The following RCBTB1 variants were observed in gnomAD, a reference collection of about 807,000 sequenced individuals.
The protein encoded by RCBTB1 is RCC1 and BTB domain containing protein 1.
A neutral mutation model predicts 62.4 loss-of-function variants in RCBTB1; 46 were observed. The ratio of observed to expected loss-of-function variants is 0.74; its 90% CI spans 0.58 to 0.94. RCBTB1 has a LOEUF of 0.94. Among genes scored for constraint, RCBTB1 ranks in the 40% least tolerant of loss-of-function variants. The pLI is 0.00. For synonymous variants in RCBTB1, 222 were observed against 245.8 expected, an observed-to-expected ratio of 0.90 and a Z score of 0.91; for missense variants, 565 against 654.9, an observed-to-expected ratio of 0.86 and a Z score of 1.50.
In RCBTB1 at chr13:49,560,030, G is replaced by A. The variant is rs371060996; in HGVS notation, c.332C>T (p.Thr111Met). The A allele has an allele frequency of 3.8e-5, 62 of 1,613,990 alleles. No individual in the cohort carries two copies. Among genetic ancestry groups the A allele is most frequent in the South Asian group, 8.8e-5 (8 of 91,082 alleles). The change falls in exon 5 of 13, where the codon ACG (threonine) becomes ATG (methionine). Residue 111 changes from threonine (T) to methionine (M), a missense_variant. Physicochemically the swap from Thr to Met is moderately conservative, Grantham distance 81 (BLOSUM62 -1). Coordinates refer to ENST00000378302, the MANE Select transcript of RCBTB1 (RefSeq NM_018191.4). ...HNGYSQLGNGTTNQGIAPVQV... is the reference protein window; with the variant it reads ...HNGYSQLGNGMTNQGIAPVQV... ...GACGGGAGCAATGCCTTGGTTGGTC[G>A]TCCCATTCCCAAGCTGGCTATATCC... is the stretch of plus-strand genomic sequence containing the variant.
At chr13:49,534,721 A>G (rs7322077) in intron 12 of RCBTB1, among the ~76,000 whole-genome samples, 76,214 of 152,088 alleles carry the variant, frequency 0.5, 19,243 homozygotes, top group Middle Eastern at 0.6. Flanking sequence ...GATATGGTCA[A>G]CCTAAAGTGG....
Position 49,550,500 on chromosome 13 carries a change from C to A in RCBTB1, c.854+826G>T, listed in dbSNP as rs929133470. The A allele has an allele frequency of 2.3e-5, 17 of 724,560 alleles. 1 individual carries two copies. Among genetic ancestry groups the A allele is most frequent in the Non-Finnish European group, 2.9e-5 (17 of 589,474 alleles). The allele number at this position is 724,560 out of a possible 1,614,324, so 44.9% of individuals were successfully genotyped here. On this transcript the variant is annotated intron_variant, in intron 8 of 12. Transcript: ENST00000378302. ...TAGGAGGTAAGACCTTACAATTAGG[C>A]TGAACAACATCAAGCATCTATTCCA...
rs1237719893 is a variant in RCBTB1 at position 49,544,628 on chromosome 13, G to T, written c.1172+109C>A. ...ATACTATCTGCAAAAATATTAAGTA[G>T]TGACATTTCTCTCTACTACCAAGGC... On this transcript the variant is annotated intron_variant, in intron 10 of 12. Coordinates refer to ENST00000378302, the MANE Select transcript of RCBTB1 (RefSeq NM_018191.4). The T allele has an allele frequency of 1.7e-5, 14 of 842,960 alleles. No homozygotes were observed. In the African/African-American group the frequency reaches 2.0e-4, roughly 12 times the overall value. The allele number at this position is 842,960 out of a possible 1,614,324, so 52.2% of individuals were successfully genotyped here.
Position 49,533,936 on chromosome 13 carries a change from T to C in RCBTB1, c.*186A>G. On this transcript the variant is annotated 3_prime_UTR_variant, in exon 13 of 13. Transcript: ENST00000378302. ...CACTTATCTGGAAACAAGGGTTGTT[T>C]AAAATGGGCTCAAGAAAAGCCGTAC... 1 of 506,646 alleles carries C rather than the reference T, an allele frequency of 2.0e-6. No homozygotes were observed. The highest frequency in any genetic ancestry group is 3.4e-6 in the Non-Finnish European group (1 of 294,572). 31.4% of individuals were successfully genotyped at this position (506,646 alleles called of 1,614,324 possible).
chr13:49,541,587 ACCTGAAGC>A, intron 11 of RCBTB1, 81 bp downstream of exon 11: 1 of 1,277,158 alleles, frequency 7.8e-7, no homozygotes, highest in Non-Finnish European at 1.1e-6. Context: ...AAGCCAATAC[ACCTGAAGC>A]TTTTTACATT....
At position 49,560,001 on chromosome 13, in the gene RCBTB1, C is replaced by T. The variant is rs1346033403; in HGVS notation, c.361G>A (p.Val121Ile). The change falls in exon 5 of 13, where the codon GTC becomes ATC. Residue 121 changes from valine to isoleucine, a missense_variant. By Grantham distance (29) the Val-to-Ile change is conservative (BLOSUM62 3). Transcript: ENST00000378302. ...TTNQGIAPVQ[V>I]CTNLLIKQVV... is the part of the protein sequence containing the mutation. Reference sequence around the variant, plus strand: ...TGCTTGATCAAGAGATTGGTACAGACCTGGACGGGAGCAATGCCTTGGTTG... The same window carrying T: ...TGCTTGATCAAGAGATTGGTACAGATCTGGACGGGAGCAATGCCTTGGTTG... 1 of 1,614,150 alleles carries T rather than the reference C, an allele frequency of 6.2e-7. No homozygotes were observed. The highest frequency in any genetic ancestry group is 1.7e-5 in the Admixed American group (1 of 60,012).
At chr13:49,582,299 C>G (rs1295323277) in intron 1 of RCBTB1, among the ~76,000 whole-genome samples, 1 of 152,114 alleles carries the variant, frequency 6.6e-6, no homozygotes, top group Non-Finnish European at 1.5e-5. Flanking sequence ...CCGGCCTGGC[C>G]AACATGGTGA....
At chr13:49,536,425 C>T (rs138697375) in intron 12 of RCBTB1, among the ~76,000 whole-genome samples, 63 of 152,308 alleles carry the variant, frequency 4.1e-4, no homozygotes, top group African/African-American at 1.4e-3. Context: ...TAGACAAACG[C>T]CCTTCCGACT....
intron 9 of RCBTB1, chr13:49,546,410 C>A (rs1443331942): frequency 4.1e-5 from 39 of 954,628 alleles, no homozygotes; most frequent in Non-Finnish European, 4.7e-5. Context: ...TTTTTGGTAC[C>A]AGGGACCAGT....
rs142373322 is a variant in RCBTB1 at position 49,549,502 on chromosome 13, G to C, written c.1001C>G (p.Ala334Gly). The change falls in exon 9 of 13, where the codon GCC becomes GGC. Residue 334 changes from alanine to glycine, a missense_variant. By Grantham distance (60) the Ala-to-Gly change is moderately conservative. Coordinates refer to ENST00000378302, the MANE Select transcript of RCBTB1 (RefSeq NM_018191.4). ...THFSCTDDVF[A>G]CFATPAVSWR... ...CGAGACGGCGGGAGTGGCAAAGCAG[G>C]CAAACACGTCGTCGGTGCAGGAGAA... The C allele has an allele frequency of 6.1e-5, 98 of 1,613,504 alleles. No individual in the cohort carries two copies. Among genetic ancestry groups the C allele is most frequent in the Non-Finnish European group, 8.1e-5 (96 of 1,179,732 alleles).
chr13:49,567,418 T>C (rs1287717423), intron 2 of RCBTB1, 98 bp from the exon 3 acceptor site: 3 of 845,846 alleles, frequency 3.5e-6, no homozygotes, highest in Non-Finnish European at 5.4e-6. Context: ...AAGCTGATTC[T>C]AGAATAAATG....
Position 49,533,000 on chromosome 13 carries a change from A to G in RCBTB1, c.*1122T>C, listed in dbSNP as rs767227992. ...TTAATAGGATCTTTTCAGGAACACCATAATTTTGGTGCTTTTTCAAGGTGA... is the reference window on the plus strand; with the variant it reads ...TTAATAGGATCTTTTCAGGAACACCGTAATTTTGGTGCTTTTTCAAGGTGA... On this transcript the variant is annotated 3_prime_UTR_variant, in exon 13 of 13. Coordinates refer to ENST00000378302, the MANE Select transcript of RCBTB1 (RefSeq NM_018191.4). The G allele has an allele frequency of 6.6e-6, 1 of 152,230 alleles. No individual in the cohort carries two copies. The highest frequency in any genetic ancestry group is 1.5e-5 in the Non-Finnish European group (1 of 68,048). 9.4% of individuals were successfully genotyped at this position (152,230 alleles called of 1,614,324 possible).
chr13:49,548,975 A>C (rs1429094414), intron 9 of RCBTB1, among the ~76,000 whole-genome samples: 2 of 135,210 alleles, frequency 1.5e-5, no homozygotes, highest in Admixed American at 7.0e-5. Flanking sequence ...TCTACTAAAA[A>C]TACAAAAATT....
intron 2 of RCBTB1, among the ~76,000 whole-genome samples, chr13:49,569,779 T>C (rs747635838): frequency 4.6e-4 from 70 of 151,384 alleles, no homozygotes; most frequent in Non-Finnish European, 9.3e-4. Context: ...TGGTGGCGCA[T>C]GCCTGCAGTC....
At chr13:49,564,583 C>CA (rs10710755) in intron 4 of RCBTB1, among the ~76,000 whole-genome samples, 1,098 of 39,308 alleles carry the variant, frequency 0.028, 76 homozygotes, top group Middle Eastern at 0.091. Flanking sequence ...GACTCCTTCT[C>CA]AAAAAAAAAA....
intron 2 of RCBTB1, among the ~76,000 whole-genome samples, chr13:49,573,701 C>T (rs1214312474): frequency 6.7e-6 from 1 of 150,208 alleles, no homozygotes; most frequent in East Asian, 2.0e-4. Flanking sequence ...CCACCTACCT[C>T]GGCCTCCCAA....
intron 2 of RCBTB1, among the ~76,000 whole-genome samples, chr13:49,577,212 T>C (rs1189536768): frequency 1.3e-5 from 2 of 152,214 alleles, no homozygotes; most frequent in East Asian, 3.8e-4. Context: ...ACTGGAAGGC[T>C]GAAGGAGTAA....
chr13:49,550,456 A>T (rs1344471929), intron 8 of RCBTB1: 4 of 981,916 alleles, frequency 4.1e-6, no homozygotes, highest in Non-Finnish European at 4.8e-6. Context: ...TCATAATCAG[A>T]AGTCAGCACT....
intron 10 of RCBTB1, among the ~76,000 whole-genome samples, chr13:49,542,477 T>C (rs1420366092): frequency 1.3e-5 from 2 of 152,208 alleles, no homozygotes; most frequent in Non-Finnish European, 2.9e-5. Context: ...TTTAAAATGA[T>C]GTACAGAAAT....
Sources: allele counts gnomAD v4.1 joint callset (sites outside exome capture counted in the v4.1 genomes callset), GRCh38; gene constraint gnomAD v4.1.1; transcripts MANE v1.5; gene names NCBI Gene and HGNC (gene_info 2026-07-23, HGNC 2026-07-21).